The following CTNND2 variants were observed in gnomAD, a reference collection of about 807,000 sequenced individuals.
CTNND2 encodes the protein catenin delta 2.
Under a neutral mutation model 144.4 loss-of-function variants are expected in CTNND2, and 22 were observed. The observed-to-expected ratio is 0.15, with a 90% CI of 0.11 to 0.22. The LOEUF is 0.22. CTNND2 is among the 10% of genes least tolerant of loss of function. CTNND2 has a pLI of 1.00. For missense variants in CTNND2, 1,353 were observed against 1,618.8 expected, an observed-to-expected ratio of 0.84 and a Z score of 2.82; for synonymous variants, 751 against 695.6, an observed-to-expected ratio of 1.08 and a Z score of -1.25.
chr5:11,817,503 T>C (rs866058168), intron 1 of CTNND2, among the ~76,000 whole-genome samples: 3 of 139,040 alleles, frequency 2.2e-5, no homozygotes, highest in African/African-American at 8.2e-5. Context: ...GGGGTCAGCA[T>C]AGCACCAACA....
At chr5:11,146,010 C>T (rs915687229) in intron 12 of CTNND2, among the ~76,000 whole-genome samples, 5 of 152,148 alleles carry the variant, frequency 3.3e-5, no homozygotes, top group African/African-American at 1.2e-4. Context: ...GGGGTGGGTT[C>T]CTAGAGTTCT....
chr5:11,861,336 C>A (rs1446780919), intron 1 of CTNND2, among the ~76,000 whole-genome samples: 1 of 152,120 alleles, frequency 6.6e-6, no homozygotes, highest in African/African-American at 2.4e-5. Flanking sequence ...AAAAACATAA[C>A]AAACATGATC....
chr5:11,002,880 C>G (rs1323545750), intron 18 of CTNND2, among the ~76,000 whole-genome samples: 1 of 152,194 alleles, frequency 6.6e-6, no homozygotes, highest in African/African-American at 2.4e-5. Flanking sequence ...TTATAAGAGA[C>G]TTCTCTGACC....
At chr5:11,357,451 T>G (rs1756007590) in intron 8 of CTNND2, among the ~76,000 whole-genome samples, 1 of 151,882 alleles carries the variant, frequency 6.6e-6, no homozygotes, top group Non-Finnish European at 1.5e-5. Context: ...TACCACAGGA[T>G]CTCACTCAAA....
intron 16 of CTNND2, among the ~76,000 whole-genome samples, chr5:11,037,037 A>T (rs1449704804): frequency 1.3e-5 from 2 of 152,250 alleles, no homozygotes; most frequent in African/African-American, 4.8e-5. Flanking sequence ...TTCATGTTAA[A>T]GAATGGCACA....
intron 2 of CTNND2, among the ~76,000 whole-genome samples, chr5:11,612,054 G>C (rs1042680935): frequency 1.7e-5 from 2 of 118,684 alleles, no homozygotes; most frequent in Non-Finnish European, 3.6e-5. Flanking sequence ...CTAATATCAG[G>C]GGTTCACCAA....
intron 16 of CTNND2, among the ~76,000 whole-genome samples, chr5:11,058,947 A>G (rs1023200196): frequency 6.6e-6 from 1 of 152,100 alleles, no homozygotes; most frequent in African/African-American, 2.4e-5. Context: ...GTTTTGGCCA[A>G]TTTCTCACAT....
intron 2 of CTNND2, among the ~76,000 whole-genome samples, chr5:11,605,883 C>T (rs1050279883): frequency 6.6e-6 from 1 of 152,194 alleles, no homozygotes; most frequent in South Asian, 2.1e-4. Flanking sequence ...CAAACATTCA[C>T]TGAGGTTCTA....
chr5:11,487,673 A>G (rs185030663), intron 3 of CTNND2, among the ~76,000 whole-genome samples: 4 of 152,306 alleles, frequency 2.6e-5, no homozygotes, highest in East Asian at 3.9e-4. Flanking sequence ...AATCATTTAT[A>G]TTAAAAATAA....
Position 11,603,535 on chromosome 5 carries a change from C to T in CTNND2, c.175-38479G>A, listed in dbSNP as rs1320741047. Among the ~76,000 whole-genome samples, 6 of 152,150 alleles carry T rather than the reference C, an allele frequency of 3.9e-5. No homozygotes were observed. The East Asian group carries it at 7.7e-4, about 20-fold the overall frequency. Reference sequence around the variant, plus strand: ...CTTTGACAGTGAAATAGACTAGAGGCCTCAAAGGAATTCAGAGTAAATGGC... The same window carrying T: ...CTTTGACAGTGAAATAGACTAGAGGTCTCAAAGGAATTCAGAGTAAATGGC... On this transcript the variant is annotated intron_variant, in intron 2 of 21. Transcript: ENST00000304623.
At chr5:11,281,395 C>A (rs1055359503) in intron 9 of CTNND2, among the ~76,000 whole-genome samples, 1 of 152,118 alleles carries the variant, frequency 6.6e-6, no homozygotes, top group African/African-American at 2.4e-5. Context: ...CTACTGAAAG[C>A]AAACAGTTAT....
chr5:11,778,522 A>G (rs1790374939), intron 1 of CTNND2, among the ~76,000 whole-genome samples: 1 of 152,106 alleles, frequency 6.6e-6, no homozygotes, highest in Non-Finnish European at 1.5e-5. Context: ...CTTCCCCTAA[A>G]CCTATAATCT....
intron 8 of CTNND2, among the ~76,000 whole-genome samples, 168 bp from the exon 9 acceptor site, chr5:11,346,795 C>T (rs1452917797): frequency 6.6e-6 from 1 of 152,090 alleles, no homozygotes; most frequent in African/African-American, 2.4e-5. Context: ...CAATGTTATC[C>T]AGTCAAATGA....
intron 10 of CTNND2, among the ~76,000 whole-genome samples, chr5:11,235,975 A>G (rs1347231898): frequency 1.3e-5 from 2 of 152,222 alleles, no homozygotes; most frequent in East Asian, 1.9e-4. Context: ...TTTGAAAAAA[A>G]TGACTACTCA....
chr5:11,505,780 C>T (rs1040393049), intron 3 of CTNND2, among the ~76,000 whole-genome samples: 1 of 152,148 alleles, frequency 6.6e-6, no homozygotes, highest in Admixed American at 6.5e-5. Context: ...TTCCATGAAG[C>T]TAATGAATTA....
At chr5:11,571,161 C>T (rs1163407510) in intron 2 of CTNND2, among the ~76,000 whole-genome samples, 1 of 152,088 alleles carries the variant, frequency 6.6e-6, no homozygotes, top group East Asian at 1.9e-4. Context: ...TTGTTTTCTT[C>T]TCTCTGCATA....
At chr5:11,631,495 CCT>C (rs1781411217) in intron 2 of CTNND2, among the ~76,000 whole-genome samples, 1 of 152,096 alleles carries the variant, frequency 6.6e-6, no homozygotes, top group Non-Finnish European at 1.5e-5. Context: ...ACAGCACACT[CCT>C]CTTTTTGCTA....
chr5:11,801,629 A>T (rs1198534038), intron 1 of CTNND2, among the ~76,000 whole-genome samples: 2 of 151,536 alleles, frequency 1.3e-5, no homozygotes, highest in Non-Finnish European at 2.9e-5. Flanking sequence ...GCAGCAACCA[A>T]TTTTTTTTTC....
intron 9 of CTNND2, among the ~76,000 whole-genome samples, chr5:11,264,552 T>C (rs1031482309): frequency 6.6e-6 from 1 of 152,214 alleles, no homozygotes; most frequent in African/African-American, 2.4e-5. Flanking sequence ...GAGTTTCAAC[T>C]GACACCACAT....
Sources: gnomAD v4.1 joint callset for allele counts (sites outside exome capture counted in the v4.1 genomes callset) on GRCh38, gnomAD v4.1.1 for gene constraint, MANE v1.5 for transcripts, NCBI Gene and HGNC (gene_info 2026-07-23, HGNC 2026-07-21) for gene names.